The following SORCS1 variants were observed in gnomAD, a reference collection of about 807,000 sequenced individuals.
The protein encoded by SORCS1 is sortilin related VPS10 domain containing receptor 1, also known as VPS10 domain-containing receptor SorCS1.
Under a neutral mutation model 146.1 loss-of-function variants are expected in SORCS1, and 60 were observed. The ratio of observed to expected loss-of-function variants is 0.41; its 90% CI spans 0.33 to 0.51. The LOEUF is 0.51. SORCS1 is among the 20% of genes least tolerant of loss of function. The pLI is 0.21. For synonymous variants in SORCS1, 637 were observed against 584.0 expected (o/e 1.09, Z -1.31); for missense variants, 1,352 against 1,487.6 (o/e 0.91, Z 1.50).
In SORCS1 at chr10:106,847,890, T is replaced by C. The variant is rs1017975135; in HGVS notation, c.627-18217A>G. 4.4e-4 allele frequency among the ~76,000 whole-genome samples: 67 copies of C among 150,704 alleles called. 5 individuals are homozygous for C. The highest frequency in any genetic ancestry group is 1.5e-3 in the African/African-American group (61 of 40,544). ...GTTGTTCAGTTTCCATGTAGTTGAGTGGCTTTCAGTGAGATTCTTAATCCT... is the reference window on the plus strand; with the variant it reads ...GTTGTTCAGTTTCCATGTAGTTGAGCGGCTTTCAGTGAGATTCTTAATCCT... On this transcript the variant is annotated intron_variant, in intron 2 of 25. Coordinates refer to ENST00000263054, the MANE Select transcript of SORCS1 (RefSeq NM_052918.5).
intron 18 of SORCS1, among the ~76,000 whole-genome samples, chr10:106,639,859 T>G (rs1012713296): frequency 4.0e-5 from 6 of 151,830 alleles, no homozygotes; most frequent in African/African-American, 1.5e-4. Flanking sequence ...CTCTACTAAA[T>G]ATACAAAAAT....
chr10:106,818,973 T>A (rs1197806554), intron 3 of SORCS1, among the ~76,000 whole-genome samples: 1 of 152,238 alleles, frequency 6.6e-6, no homozygotes, highest in Non-Finnish European at 1.5e-5. Flanking sequence ...AACCAGACTG[T>A]GCAATCATTA....
intron 1 of SORCS1, among the ~76,000 whole-genome samples, chr10:107,094,269 T>C (rs970852542): frequency 6.6e-5 from 10 of 152,220 alleles, no homozygotes; most frequent in African/African-American, 2.4e-4. Context: ...TATATCATCT[T>C]TAATATTCTA....
intron 21 of SORCS1, among the ~76,000 whole-genome samples, chr10:106,615,883 C>T (rs751276982): frequency 2.6e-5 from 4 of 152,102 alleles, no homozygotes; most frequent in Admixed American, 6.5e-5. Context: ...TGCTTACAAA[C>T]ATACCCTCTG....
chr10:106,894,270 CGT>C (rs3982431), intron 2 of SORCS1, among the ~76,000 whole-genome samples: 11,735 of 141,286 alleles, frequency 0.083, 664 homozygotes, highest in South Asian at 0.17. Context: ...CGCACGTGTG[CGT>C]GTGTGTGTGT....
chr10:106,743,358 C>A (rs1857492528), intron 5 of SORCS1, among the ~76,000 whole-genome samples: 1 of 152,118 alleles, frequency 6.6e-6, no homozygotes. Flanking sequence ...TGGCTGCCAC[C>A]AGTCCCACCA....
At chr10:107,102,571 C>G (rs781517968) in intron 1 of SORCS1, among the ~76,000 whole-genome samples, 1 of 152,106 alleles carries the variant, frequency 6.6e-6, no homozygotes, top group Non-Finnish European at 1.5e-5. Flanking sequence ...CTTTATTTTG[C>G]TTCCTATGCT....
intron 5 of SORCS1, among the ~76,000 whole-genome samples, chr10:106,741,625 A>T (rs1286623325): frequency 2.0e-5 from 3 of 151,472 alleles, no homozygotes; most frequent in Non-Finnish European, 4.4e-5. Flanking sequence ...TTATATATAG[A>T]GAGAGAGAGA....
At position 106,728,783 on chromosome 10, in the gene SORCS1, G is replaced by A. The variant is rs145960172; in HGVS notation, c.1024+1267C>T. Among the ~76,000 whole-genome samples the A allele has an allele frequency of 4.9e-3, 748 of 152,160 alleles. 10 individuals are homozygous for A. Among genetic ancestry groups the A allele is most frequent in the African/African-American group, 0.013 (556 of 41,504 alleles). On this transcript the variant is annotated intron_variant, in intron 6 of 25. Transcript: ENST00000263054. Reference sequence around the variant, plus strand: ...GATTAGGGTGCTTTTGAATTGTGAGGGATATTTTAGAAACTGGGAAGGTCT... The same window carrying A: ...GATTAGGGTGCTTTTGAATTGTGAGAGATATTTTAGAAACTGGGAAGGTCT...
intron 1 of SORCS1, among the ~76,000 whole-genome samples, chr10:107,098,054 C>T (rs763846021): frequency 2.6e-4 from 40 of 152,188 alleles, no homozygotes; most frequent in African/African-American, 5.1e-4. Flanking sequence ...TAAGCATTCT[C>T]CTTGTGCAGG....
intron 1 of SORCS1, among the ~76,000 whole-genome samples, chr10:107,163,547 T>C (rs1419600812): frequency 6.6e-6 from 1 of 152,218 alleles, no homozygotes; most frequent in Non-Finnish European, 1.5e-5. Flanking sequence ...ATATGGGTCT[T>C]CTTAATCTTC....
At chr10:106,942,693 A>G (rs1218289718) in intron 2 of SORCS1, among the ~76,000 whole-genome samples, 2 of 152,070 alleles carry the variant, frequency 1.3e-5, no homozygotes, top group Non-Finnish European at 2.9e-5. Flanking sequence ...TCTCTTGGTA[A>G]AAGGAAAGCT....
At chr10:106,721,963 T>C (rs1320151593) in intron 6 of SORCS1, among the ~76,000 whole-genome samples, 1 of 152,166 alleles carries the variant, frequency 6.6e-6, no homozygotes, top group East Asian at 1.9e-4. Flanking sequence ...TGTGCTGATA[T>C]GAAAAGATTT....
chr10:106,638,190 T>A (rs1264055014), intron 18 of SORCS1, among the ~76,000 whole-genome samples: 1 of 152,214 alleles, frequency 6.6e-6, no homozygotes, highest in Non-Finnish European at 1.5e-5. Flanking sequence ...ACTAGGGGGC[T>A]GCCAAATGAC....
intron 3 of SORCS1, among the ~76,000 whole-genome samples, chr10:106,809,240 A>T (rs1043746722): frequency 2.6e-5 from 4 of 152,124 alleles, no homozygotes; most frequent in East Asian, 3.9e-4. Context: ...ATAATAATAA[A>T]AAACCTCCCA....
At chr10:106,862,230 T>C (rs915317200) in intron 2 of SORCS1, among the ~76,000 whole-genome samples, 5 of 152,184 alleles carry the variant, frequency 3.3e-5, no homozygotes, top group Admixed American at 2.0e-4. Flanking sequence ...CCCAAATCAC[T>C]GGAGACATTC....
At chr10:107,048,606 A>T (rs2134033505) in intron 1 of SORCS1, among the ~76,000 whole-genome samples, 1 of 152,330 alleles carries the variant, frequency 6.6e-6, no homozygotes, top group South Asian at 2.1e-4. Flanking sequence ...ATAAATGAAT[A>T]TTTTATGGCG....
chr10:106,672,367 G>T (rs989599267), intron 15 of SORCS1, among the ~76,000 whole-genome samples: 1 of 152,110 alleles, frequency 6.6e-6, no homozygotes, highest in Non-Finnish European at 1.5e-5. Context: ...TAATAATTCT[G>T]CATTCTCATA....
At chr10:106,844,645 T>C (rs1236552053) in intron 2 of SORCS1, among the ~76,000 whole-genome samples, 1 of 150,800 alleles carries the variant, frequency 6.6e-6, no homozygotes, top group East Asian at 2.0e-4. Flanking sequence ...GTTAGTTACA[T>C]ATGTATACAT....
Sources: gnomAD v4.1 joint callset for allele counts (sites outside exome capture counted in the v4.1 genomes callset) on GRCh38, gnomAD v4.1.1 for gene constraint, MANE v1.5 for transcripts, NCBI Gene and HGNC (gene_info 2026-07-23, HGNC 2026-07-21) for gene names.